The following PCM1 variants were observed in gnomAD, a reference collection of about 807,000 sequenced individuals.
PCM1 encodes pericentriolar material 1, also known as pericentriolar material 1 protein.
In PCM1, 157 loss-of-function variants were observed where a neutral mutation model predicts 241.9. The ratio of observed to expected loss-of-function variants is 0.65; its 90% confidence interval spans 0.57 to 0.74. The LOEUF (loss-of-function observed/expected upper bound fraction) is 0.74. Among genes scored for constraint, PCM1 ranks in the 30% least tolerant of loss-of-function variants. The pLI is 0.00. For missense variants in PCM1, 3,478 were observed against 2,360.1 expected (o/e 1.47, Z -9.81); for synonymous variants, 1,085 against 784.9 (o/e 1.38, Z -6.39).
intron 6 of PCM1, among the ~76,000 whole-genome samples, chr8:17,944,572 GAA>G (rs2063188715): frequency 6.6e-6 from 1 of 152,086 alleles, no homozygotes; most frequent in Non-Finnish European, 1.5e-5. Flanking sequence ...TATAGTTGGT[GAA>G]AGTGACTTTT....
intron 13 of PCM1, among the ~76,000 whole-genome samples, chr8:17,958,622 CCT>C (rs1290947693): frequency 1.3e-5 from 2 of 151,832 alleles, no homozygotes; most frequent in Non-Finnish European, 2.9e-5. Flanking sequence ...GAGTGAAAAA[CCT>C]CAAGTTTTAT....
chr8:17,988,054 T>G (rs1027471563), intron 26 of PCM1, among the ~76,000 whole-genome samples: 3 of 151,756 alleles, frequency 2.0e-5, no homozygotes, highest in African/African-American at 4.8e-5. Context: ...ACTGGGAATC[T>G]GGGAGCTGTA....
intron 36 of PCM1, among the ~76,000 whole-genome samples, chr8:18,017,463 C>T (rs1042257596): frequency 4.6e-5 from 7 of 152,178 alleles, no homozygotes; most frequent in Admixed American, 1.3e-4. Context: ...AAATCAGTTT[C>T]TGTAAAGAGG....
At chr8:17,966,883 G>A (rs561715605) in intron 20 of PCM1, 97 bp from the exon 21 acceptor site, 2 of 1,135,982 alleles carry the variant, frequency 1.8e-6, no homozygotes, top group Non-Finnish European at 2.5e-6. Flanking sequence ...TTGTCTGCAT[G>A]CTTTTGAATC....
chr8:17,959,575 C>CTCTAGGACAATTAGTTT (rs2070618015), intron 13 of PCM1, among the ~76,000 whole-genome samples: 1 of 151,628 alleles, frequency 6.6e-6, no homozygotes, highest in Non-Finnish European at 1.5e-5. Flanking sequence ...CTTAATTGGT[C>CTCTAGGACAATTAGTTT]TCTAGAGAGC....
At chr8:17,966,926 TTATA>T (rs1366310134) in intron 20 of PCM1, 50 bp from the exon 21 acceptor site, 5 of 1,456,638 alleles carry the variant, frequency 3.4e-6, no homozygotes, top group Admixed American at 4.7e-5. Flanking sequence ...TGAATGTACT[TTATA>T]TATATGGCAA....
chr8:17,949,008 A>T (rs145410148), intron 7 of PCM1, among the ~76,000 whole-genome samples: 1 of 152,198 alleles, frequency 6.6e-6, no homozygotes, highest in Admixed American at 6.5e-5. Context: ...TAGCAGAATT[A>T]CATTTCTTGA....
intron 18 of PCM1, 25 bp downstream of exon 18, chr8:17,964,793 T>C (rs2074152294): frequency 1.3e-6 from 2 of 1,580,338 alleles, no homozygotes; most frequent in Non-Finnish European, 1.7e-6. Flanking sequence ...TTTAATTTTG[T>C]GCTTAATTTA....
At chr8:18,021,732 G>A (rs2093770135) in intron 36 of PCM1, among the ~76,000 whole-genome samples, 1 of 152,116 alleles carries the variant, frequency 6.6e-6, no homozygotes. Context: ...TTGTCAGCTG[G>A]ATTACCTTGG....
intron 38 of PCM1, among the ~76,000 whole-genome samples, chr8:18,026,281 C>G (rs1182199094): frequency 1.9e-5 from 2 of 107,218 alleles, no homozygotes; most frequent in African/African-American, 7.2e-5. Context: ...TTTTTTGAGA[C>G]AGAGTCTCTG....
At chr8:17,991,884 C>G (rs2084769993) in intron 28 of PCM1, among the ~76,000 whole-genome samples, 184 bp downstream of exon 28, 1 of 152,084 alleles carries the variant, frequency 6.6e-6, no homozygotes, top group African/African-American at 2.4e-5. Context: ...ACCCCAAAGT[C>G]CACTGTATCC....
At chr8:17,936,010 C>T (rs879440121) in intron 3 of PCM1, among the ~76,000 whole-genome samples, 4 of 152,110 alleles carry the variant, frequency 2.6e-5, no homozygotes, top group African/African-American at 9.7e-5. Context: ...TCAAGAATTA[C>T]GTTTTCACCA....
rs1563684869 is a variant in PCM1, at chr8:17,937,345, T to TGAA, written c.309_311dup (p.Lys104dup). On this transcript the variant is annotated inframe_insertion, in exon 4 of 39. Transcript: ENST00000325083. ...CCAGAGCAGGCAGAATTAGAGAAAC[T>TGAA]GAAACAGCGGATAAACTTCAGTGAT... The TGAA allele has an allele frequency of 6.2e-7, 1 of 1,604,996 alleles. No homozygotes were observed. Among genetic ancestry groups the TGAA allele is most frequent in the Non-Finnish European group, 8.5e-7 (1 of 1,175,980 alleles).
chr8:17,946,856 T>C, intron 6 of PCM1, among the ~76,000 whole-genome samples: 1 of 151,840 alleles, frequency 6.6e-6, no homozygotes. Context: ...TGTGTGTGTG[T>C]GTGTGTGTGT....
chr8:18,025,649 A>G lies in PCM1; in HGVS notation c.6040A>G (p.Lys2014Glu), dbSNP rs2094137230. The change falls in exon 38 of 39, where the codon AAA becomes GAA. Residue 2014 changes from lysine to glutamate, a missense_variant. Coordinates refer to ENST00000325083, the MANE Select transcript of PCM1 (RefSeq NM_006197.4). ...EELAGNSETLKEPETVGAQSI is the reference protein window; with the variant it reads ...EELAGNSETLEEPETVGAQSI ...ATTAGCTGGAAATTCTGAGACACTAAAAGAACCTGGTAAGAGTTATCAATT... is the reference window on the plus strand; with the variant it reads ...ATTAGCTGGAAATTCTGAGACACTAGAAGAACCTGGTAAGAGTTATCAATT... The G allele has an allele frequency of 3.3e-6, 5 of 1,532,538 alleles. No homozygotes were observed. The highest frequency in any genetic ancestry group is 4.4e-6 in the Non-Finnish European group (5 of 1,124,154). The allele number at this position is 1,532,538 out of a possible 1,614,324, so 94.9% of individuals were successfully genotyped here. A position where few individuals can be genotyped will look rare whatever the true frequency, so the allele number is the denominator to read the frequency against.
intron 10 of PCM1, chr8:17,955,948 C>T (rs1363751554): frequency 2.5e-6 from 1 of 392,624 alleles, no homozygotes; most frequent in Non-Finnish European, 4.8e-6. Context: ...AGAGACCAGG[C>T]TGTAGAATCA....
At chr8:17,954,071 G>C (rs561280452) in intron 9 of PCM1, among the ~76,000 whole-genome samples, 1 of 152,118 alleles carries the variant, frequency 6.6e-6, no homozygotes, top group Non-Finnish European at 1.5e-5. Context: ...TCTGACTTCT[G>C]CTAGTCTCTT....
chr8:18,020,568 A>G (rs190769224), intron 36 of PCM1, among the ~76,000 whole-genome samples: 1 of 152,336 alleles, frequency 6.6e-6, no homozygotes, highest in East Asian at 1.9e-4. Flanking sequence ...GACTCCTCAC[A>G]TTGACTTATG....
chr8:17,974,902 G>A (rs1289583928), intron 23 of PCM1, among the ~76,000 whole-genome samples: 1 of 147,194 alleles, frequency 6.8e-6, no homozygotes, highest in African/African-American at 2.5e-5. Context: ...CAAATAAAAG[G>A]CTTGATAGCA....
Sources: gnomAD v4.1 joint callset for allele counts (sites outside exome capture counted in the v4.1 genomes callset) on GRCh38, gnomAD v4.1.1 for gene constraint, MANE v1.5 for transcripts, NCBI Gene and HGNC (gene_info 2026-07-23, HGNC 2026-07-21) for gene names.